OAF: variants seen among roughly 807,000 people sequenced by gnomAD.
The protein encoded by OAF is out at first protein homolog.
In OAF, 13 loss-of-function variants were observed where a neutral mutation model predicts 22.5. That is an observed-to-expected ratio of 0.58 (90% CI 0.38 to 0.92). The LOEUF is 0.92. OAF is among the 40% of genes least tolerant of loss of function. OAF has a pLI of 0.00. For synonymous variants in OAF, 175 were observed against 170.5 expected, an observed-to-expected ratio of 1.03 and a Z score of -0.21; for missense variants, 347 against 381.8, an observed-to-expected ratio of 0.91 and a Z score of 0.76.
intron 2 of OAF, 137 bp from the exon 3 acceptor site, chr11:120,226,679 G>T (rs1938360587): frequency 1.4e-6 from 1 of 693,660 alleles, no homozygotes; most frequent in Non-Finnish European, 2.4e-6. Context: ...TTGGAGAGGG[G>T]TGGGGCTGCC....
At chr11:120,218,862 G>A (rs373345781) in intron 1 of OAF, among the ~76,000 whole-genome samples, 3 of 152,196 alleles carry the variant, frequency 2.0e-5, no homozygotes, top group Admixed American at 1.3e-4. Flanking sequence ...GAGGAAGAGC[G>A]CCTGGAGAGT....
At chr11:120,215,896 G>A (rs1333184378) in intron 1 of OAF, among the ~76,000 whole-genome samples, 1 of 152,204 alleles carries the variant, frequency 6.6e-6, no homozygotes, top group African/African-American at 2.4e-5. Flanking sequence ...TGGCATCACG[G>A]TGGTGGGCGG....
rs1425212529 is a variant in OAF at position 120,229,334 on chromosome 11, C to T, written c.*192C>T. On this transcript the variant is annotated 3_prime_UTR_variant, in exon 4 of 4. Transcript: ENST00000328965. ...GGCATGGCAGGGGGTCTCATGAAGGCACCCCCATTCCCACCCTGTGCCTTC... is the reference window on the plus strand; with the variant it reads ...GGCATGGCAGGGGGTCTCATGAAGGTACCCCCATTCCCACCCTGTGCCTTC... 5.0e-6 allele frequency: 3 copies of T among 603,770 alleles called. No individual in the cohort carries two copies. The highest frequency in any genetic ancestry group is 5.9e-5 in the Admixed American group (2 of 33,678). 37.4% of individuals were successfully genotyped at this position (603,770 alleles called of 1,614,324 possible). A position where few individuals can be genotyped will look rare whatever the true frequency, so the allele number is the denominator to read the frequency against.
At chr11:120,225,622 A>G (rs1938345595) in intron 1 of OAF, 39 bp from the exon 2 acceptor site, 2 of 1,535,178 alleles carry the variant, frequency 1.3e-6, no homozygotes, top group Non-Finnish European at 1.8e-6. Context: ...GGAAGGTCCC[A>G]CACCCTCCAG....
chr11:120,222,648 T>C (rs991362600), intron 1 of OAF, among the ~76,000 whole-genome samples: 1 of 151,818 alleles, frequency 6.6e-6, no homozygotes, highest in African/African-American at 2.4e-5. Flanking sequence ...GTGCAGTGGC[T>C]CACGCCTGTA....
intron 1 of OAF, among the ~76,000 whole-genome samples, chr11:120,220,245 C>T (rs1298720468): frequency 6.6e-6 from 1 of 152,170 alleles, no homozygotes; most frequent in Non-Finnish European, 1.5e-5. Context: ...TCCAGAGAGG[C>T]ACAAGAGGAA....
At position 120,228,928 on chromosome 11, in the gene OAF, G is replaced by A. The variant is rs1938397208; in HGVS notation, c.608G>A (p.Arg203His). The change falls in exon 4 of 4, where the codon CGC (arginine) becomes CAC (histidine). Residue 203 changes from arginine to histidine, a missense_variant. Transcript: ENST00000328965. ...GCCTCAGAGCAGGCGGAGCTGCCTC[G>A]CTGCAGGCAGGTGGGGGACCACGGG... is the stretch of plus-strand genomic sequence containing the variant. ...PKASEQAELP[R>H]CRQVGDHGKP... 2 of 1,594,972 alleles carry A rather than the reference G, an allele frequency of 1.3e-6. No individual in the cohort carries two copies. The highest frequency in any genetic ancestry group is 8.6e-7 in the Non-Finnish European group (1 of 1,169,226).
intron 1 of OAF, among the ~76,000 whole-genome samples, chr11:120,220,983 A>G (rs1366730048): frequency 3.3e-5 from 5 of 152,142 alleles, no homozygotes; most frequent in Non-Finnish European, 7.4e-5. Flanking sequence ...TAAATGCCTC[A>G]TTGCTGGAAA....
At position 120,211,331 on chromosome 11, in the gene OAF, C is replaced by A; in HGVS notation, c.52C>A (p.Pro18Thr). ...GCGCCCTGCGCTGCTGCTGCTGCTG[C>A]CGCTGCTCGCGCCGCTGCTGGGAAC... ...LARPALLLLL[P>T]LLAPLLGTGA... Residue 18 changes from proline (P) to threonine (T), a missense_variant, in exon 1 of 4, where the codon CCG (proline) becomes ACG (threonine). Transcript: ENST00000328965. The A allele has an allele frequency of 7.1e-7, 1 of 1,402,184 alleles. No homozygotes were observed. Among genetic ancestry groups the A allele is most frequent in the Non-Finnish European group, 9.3e-7 (1 of 1,077,560 alleles). The allele number at this position is 1,402,184 out of a possible 1,614,324, so 86.9% of individuals were successfully genotyped here.
At chr11:120,215,867 T>A (rs1207722485) in intron 1 of OAF, among the ~76,000 whole-genome samples, 1 of 151,980 alleles carries the variant, frequency 6.6e-6, no homozygotes, top group African/African-American at 2.4e-5. Context: ...CTGACAGATA[T>A]GAAGAAGGTC....
chr11:120,221,138 A>G (rs1310921123), intron 1 of OAF, among the ~76,000 whole-genome samples: 1 of 152,232 alleles, frequency 6.6e-6, no homozygotes, highest in Admixed American at 6.5e-5. Context: ...CACTTGGAGT[A>G]AACCTCAATC....
intron 1 of OAF, among the ~76,000 whole-genome samples, chr11:120,220,319 C>T (rs1488594795): frequency 6.6e-6 from 1 of 152,176 alleles, no homozygotes; most frequent in Non-Finnish European, 1.5e-5. Context: ...CCTTGCCAGC[C>T]TCATCAGCAC....
Position 120,215,950 on chromosome 11 carries a change from C to T in OAF, c.231+4440C>T, listed in dbSNP as rs978756064. On this transcript the variant is annotated intron_variant, in intron 1 of 3. Coordinates refer to ENST00000328965, the MANE Select transcript of OAF (RefSeq NM_178507.4). ...CCCAGCATCAGGGAGGATAGGGAGA[C>T]ACAGACTCCAAAAGTGTGGAAGGAG... Among the ~76,000 whole-genome samples the T allele has an allele frequency of 5.9e-5, 9 of 152,168 alleles. No individual in the cohort carries two copies. The South Asian group carries it at 1.9e-3, about 32-fold the overall frequency.
chr11:120,222,561 GA>G (rs1284462804), intron 1 of OAF, among the ~76,000 whole-genome samples: 203 of 121,252 alleles, frequency 1.7e-3, no homozygotes, highest in Middle Eastern at 4.7e-3. Context: ...GTCTCCAAAA[GA>G]AAAAAAAAAA....
chr11:120,225,705 G>C lies in OAF; in HGVS notation c.276G>C (p.Lys92Asn). The C allele has an allele frequency of 6.2e-7, 1 of 1,603,700 alleles. No homozygotes were observed. Among genetic ancestry groups the C allele is most frequent in the Non-Finnish European group, 8.5e-7 (1 of 1,175,480 alleles). ...CCCTGATCCTGGGGGAGCTGGAGAA[G>C]GGGCAGAGTCAGTTCCAGGCCCTCT... ...FRALILGELEKGQSQFQALCF... is the reference protein window; with the variant it reads ...FRALILGELENGQSQFQALCF... Residue 92 changes from lysine (K) to asparagine (N), a missense_variant, in exon 2 of 4, where the codon AAG (lysine) becomes AAC (asparagine). Coordinates refer to ENST00000328965, the MANE Select transcript of OAF (RefSeq NM_178507.4).
chr11:120,218,879 A>C (rs946891962), intron 1 of OAF, among the ~76,000 whole-genome samples: 3 of 152,080 alleles, frequency 2.0e-5, no homozygotes, highest in Non-Finnish European at 4.4e-5. Context: ...GAGTGGGGCC[A>C]GCTAGGGACC....
intron 1 of OAF, among the ~76,000 whole-genome samples, chr11:120,212,057 G>A (rs977927463): frequency 6.6e-6 from 1 of 152,148 alleles, no homozygotes; most frequent in African/African-American, 2.4e-5. Context: ...CTCTCAAGCC[G>A]GGAGAAGCCC....
intron 1 of OAF, chr11:120,217,405 C>G (rs780807459): frequency 6.6e-6 from 1 of 152,166 alleles, no homozygotes; most frequent in African/African-American, 2.4e-5. Context: ...ATGGTGAAAC[C>G]CTGTCCCTAC....
At chr11:120,215,820 T>A (rs1938204597) in intron 1 of OAF, among the ~76,000 whole-genome samples, 1 of 152,182 alleles carries the variant, frequency 6.6e-6, no homozygotes, top group Admixed American at 6.5e-5. Context: ...CGCTCCAGGC[T>A]GCCTGCCTTG....
Sources: gnomAD v4.1 joint callset for allele counts (sites outside exome capture counted in the v4.1 genomes callset) on GRCh38, gnomAD v4.1.1 for gene constraint, MANE v1.5 for transcripts, NCBI Gene and HGNC (gene_info 2026-07-23, HGNC 2026-07-21) for gene names.